The following APC variants were observed in gnomAD, a reference collection of about 807,000 sequenced individuals.
APC encodes APC regulator of Wnt signaling pathway, also known as adenomatous polyposis coli protein.
In APC, 72 loss-of-function variants were observed where a neutral mutation model predicts 247.0. The observed-to-expected ratio is 0.29, with a 90% CI of 0.24 to 0.35. The LOEUF (loss-of-function observed/expected upper bound fraction) is 0.35, where lower values mean the gene tolerates loss of function less well. Ranked by LOEUF, APC falls within the 10% of genes least tolerant of loss-of-function variation. The probability of loss-of-function intolerance (pLI) is 1.00; values close to 1 mark genes in which losing one functional copy is unlikely to be tolerated. For missense variants in APC, 3,400 were observed against 3,360.7 expected, an observed-to-expected ratio of 1.01 and a Z score of -0.29; for synonymous variants, 1,254 against 1,162.5, an observed-to-expected ratio of 1.08 and a Z score of -1.60.
chr5:112,723,095 G>C (rs1391650041), intron 1 of APC, among the ~76,000 whole-genome samples: 1 of 152,000 alleles, frequency 6.6e-6, no homozygotes, highest in East Asian at 1.9e-4. Context: ...ACAGGAGAAG[G>C]CTAGAGAGAG....
chr5:112,785,467 A>G (rs1369349298), intron 6 of APC, among the ~76,000 whole-genome samples: 2 of 152,206 alleles, frequency 1.3e-5, no homozygotes, highest in African/African-American at 4.8e-5. Flanking sequence ...AAAAACATAA[A>G]ATTGTTGAAG....
chr5:112,772,513 G>C (rs1757168367), intron 4 of APC, among the ~76,000 whole-genome samples: 1 of 148,214 alleles, frequency 6.7e-6, no homozygotes, highest in Non-Finnish European at 1.5e-5. Flanking sequence ...TTAATGCCCA[G>C]CTCTTTTTTT....
At chr5:112,746,853 T>G (rs1753741179) in intron 1 of APC, among the ~76,000 whole-genome samples, 1 of 152,200 alleles carries the variant, frequency 6.6e-6, no homozygotes, top group Non-Finnish European at 1.5e-5. Context: ...GAGTCACAAG[T>G]ATCATCACTT....
At position 112,838,227 on chromosome 5, in the gene APC, T is replaced by C. The variant is rs1765230679; in HGVS notation, c.2633T>C (p.Leu878Ser). ...ENPGTSSKRG[L>S]QISTTAAQIA... is the part of the protein sequence containing the mutation. ...CCAGGAACTTCTTCAAAGCGAGGTT[T>C]GCAGATCTCCACCACTGCAGCCCAG... The change falls in exon 16 of 16, where the codon TTG becomes TCG. Residue 878 changes from leucine to serine, a missense_variant. Leu to Ser is a moderately radical substitution (Grantham distance 145). Coordinates refer to ENST00000257430, the MANE Select transcript of APC (RefSeq NM_000038.6). 2 of 1,614,048 alleles carry C rather than the reference T, an allele frequency of 1.2e-6. No individual in the cohort carries two copies. Among genetic ancestry groups the C allele is most frequent in the South Asian group, 2.2e-5 (2 of 91,062 alleles).
chr5:112,803,311 A>G (rs1761031717), intron 8 of APC, among the ~76,000 whole-genome samples: 1 of 152,178 alleles, frequency 6.6e-6, no homozygotes, highest in Non-Finnish European at 1.5e-5. Flanking sequence ...AAGAGTGATC[A>G]GACATGTTTG....
chr5:112,841,368 C>A lies in APC; in HGVS notation c.5774C>A (p.Pro1925His), dbSNP rs762682111. The A allele has an allele frequency of 1.1e-5, 17 of 1,613,390 alleles. No individual in the cohort carries two copies. In the Admixed American group the frequency reaches 2.8e-4, roughly 27 times the overall value. Residue 1925 changes from proline (P) to histidine (H), a missense_variant, in exon 16 of 16, where the codon CCC becomes CAC. Physicochemically the swap from Pro to His is moderately conservative, Grantham distance 77. Transcript: ENST00000257430. This position sits in a 1 kb window ranked among gnomAD's most constrained non-coding sequence, Gnocchi z 4.6. ...KQPINRGQPK[P>H]ILQKQSTFPQ... Reference sequence around the variant, plus strand: ...CCAATAAATCGAGGTCAGCCTAAACCCATACTTCAGAAACAATCCACTTTT... The same window carrying A: ...CCAATAAATCGAGGTCAGCCTAAACACATACTTCAGAAACAATCCACTTTT...
chr5:112,718,647 ACTTCTAGTGGATTTGAG>A (rs1369499716), intron 1 of APC, among the ~76,000 whole-genome samples: 1 of 152,174 alleles, frequency 6.6e-6, no homozygotes, highest in African/African-American at 2.4e-5. Flanking sequence ...TGGGTTCCTG[ACTTCTAGTGGATTTGAG>A]CTTCTTATTC....
At chr5:112,717,252 A>G (rs947033435) in intron 1 of APC, among the ~76,000 whole-genome samples, 1 of 152,080 alleles carries the variant, frequency 6.6e-6, no homozygotes, top group African/African-American at 2.4e-5. Context: ...GCCTCCCAGA[A>G]TGCTGGGATT....
intron 13 of APC, among the ~76,000 whole-genome samples, chr5:112,828,478 G>T (rs1289625651): frequency 1.1e-4 from 17 of 149,750 alleles, no homozygotes; most frequent in African/African-American, 4.2e-4. Context: ...AAAAAAACAG[G>T]ATCTCCCTCT....
At chr5:112,827,393 C>A in intron 12 of APC, 146 bp downstream of exon 12, 1 of 936,060 alleles carries the variant, frequency 1.1e-6, no homozygotes, top group Non-Finnish European at 1.7e-6. Context: ...ATTCGCTTAT[C>A]TTTACTCATT....
chr5:112,842,334 C>T lies in APC; in HGVS notation c.6740C>T (p.Ser2247Phe), dbSNP rs1320484906. The change falls in exon 16 of 16, where the codon TCT becomes TTT. Residue 2247 changes from serine to phenylalanine, a missense_variant. This residue lies in a region of APC where 1,788 missense variants were observed against 1,649.5 expected (regional missense o/e 1.08). Transcript: ENST00000257430. ...AGCTCCTCAAGTACAAGTCCTGTTT[C>T]TAAAAAAGGCCCACCCCTTAAGACT... is the stretch of plus-strand genomic sequence containing the variant. Reference protein sequence around the residue: ...RNSSSSTSPVSKKGPPLKTPA... With the variant: ...RNSSSSTSPVFKKGPPLKTPA... The T allele has an allele frequency of 1.2e-6, 2 of 1,613,868 alleles. No homozygotes were observed. Among genetic ancestry groups the T allele is most frequent in the Non-Finnish European group, 8.5e-7 (1 of 1,179,812 alleles).
At chr5:112,755,742 A>G (rs909582906) in intron 2 of APC, among the ~76,000 whole-genome samples, 2 of 152,206 alleles carry the variant, frequency 1.3e-5, no homozygotes, top group African/African-American at 4.8e-5. Context: ...AACTTTAGCC[A>G]TTTTAATTCC....
chr5:112,774,143 C>T (rs375855551), intron 4 of APC, among the ~76,000 whole-genome samples: 2 of 152,020 alleles, frequency 1.3e-5, no homozygotes, highest in Non-Finnish European at 2.9e-5. Flanking sequence ...GCCTTAAGTA[C>T]CCTCCAACTA....
chr5:112,836,553 G>T (rs953090810), intron 15 of APC, among the ~76,000 whole-genome samples: 9 of 152,120 alleles, frequency 5.9e-5, no homozygotes, highest in African/African-American at 2.2e-4. Flanking sequence ...CAGTTTGCCT[G>T]CGTTAAACAA....
intron 14 of APC, 65 bp downstream of exon 14, chr5:112,829,037 T>C: frequency 1.8e-6 from 2 of 1,088,234 alleles, no homozygotes; most frequent in South Asian, 1.3e-5. Flanking sequence ...TGCTGCCTTC[T>C]TTTAGCCATG....
rs547765090 is a variant in APC at position 112,748,822 on chromosome 5, C to CA, written c.-18-6043dup. ...AGCAAGACTCCATCTATTTAAAAAA[C>CA]AAAAAAAAGAATGAGGTTTACAAAA... On this transcript the variant is annotated intron_variant, in intron 1 of 15. Transcript: ENST00000257430. Among the ~76,000 whole-genome samples the CA allele has an allele frequency of 4.5e-3, 681 of 151,626 alleles. 8 individuals carry two copies. Among genetic ancestry groups the CA allele is most frequent in the South Asian group, 0.012 (58 of 4,798 alleles).
chr5:112,828,305 C>G lies in APC; in HGVS notation c.1626+299C>G, dbSNP rs114211901. On this transcript the variant is annotated intron_variant, in intron 13 of 15. Transcript: ENST00000257430. The stretch of plus-strand genomic sequence containing the variant: ...GGGATTACAGGCGTGTGCCACCACA[C>G]CCAGCTAATATCCTGATTTAGATTG... Among the ~76,000 whole-genome samples the G allele has an allele frequency of 0.011, 1,666 of 152,230 alleles. 24 individuals are homozygous for G. Among genetic ancestry groups the G allele is most frequent in the Non-Finnish European group, 0.013 (882 of 68,028 alleles).
At chr5:112,837,436 G>T in intron 15 of APC, 117 bp from the exon 16 acceptor site, 1 of 724,774 alleles carries the variant, frequency 1.4e-6, no homozygotes, top group South Asian at 1.8e-5. Context: ...TGGAATACTT[G>T]GAATTTATAG....
At chr5:112,775,818 A>G (rs2149617186) in intron 5 of APC, 81 bp downstream of exon 5, 1 of 777,956 alleles carries the variant, frequency 1.3e-6, no homozygotes. Context: ...ATTAAAATTC[A>G]GGATAACTGA....
Sources: allele counts gnomAD v4.1 joint callset (sites outside exome capture counted in the v4.1 genomes callset), GRCh38; gene constraint gnomAD v4.1.1; regional missense constraint gnomAD v4.1.1; non-coding constraint Gnocchi (gnomAD v3.1); transcripts MANE v1.5; gene names NCBI Gene and HGNC (gene_info 2026-07-23, HGNC 2026-07-21).